Variants in FAM178B observed in about 807,000 individuals in gnomAD.
FAM178B encodes family with sequence similarity 178 member B, also known as protein FAM178B.
Under a neutral mutation model 91.7 loss-of-function variants are expected in FAM178B, and 82 were observed. The observed-to-expected ratio is 0.89, with a 90% CI of 0.75 to 1.07. The LOEUF (loss-of-function observed/expected upper bound fraction) is 1.07. Ranked by LOEUF, FAM178B falls within the 50% of genes least tolerant of loss-of-function variation. The probability of loss-of-function intolerance (pLI) is 0.00; values close to 1 mark genes in which losing one functional copy is unlikely to be tolerated. For missense variants in FAM178B, 769 were observed against 846.7 expected, an observed-to-expected ratio of 0.91 and a Z score of 1.14; for synonymous variants, 368 against 359.4, an observed-to-expected ratio of 1.02 and a Z score of -0.27.
At position 96,928,639 on chromosome 2, in the gene FAM178B, G is replaced by A. The variant is rs1574263401; in HGVS notation, c.1193+567C>T. ...GCAAGGATACTAACCAGGCTGTGAA[G>A]TCTGGGTTTCACCAGAGAGTGGGGG... is the stretch of plus-strand genomic sequence containing the variant. On this transcript the variant is annotated intron_variant, in intron 9 of 16. Transcript: ENST00000490605. Among the ~76,000 whole-genome samples the A allele has an allele frequency of 2.6e-5, 4 of 152,332 alleles. No individual in the cohort carries two copies. In the South Asian group the frequency reaches 8.3e-4, roughly 32 times the overall value.
At chr2:96,986,117 T>A in intron 1 of FAM178B, 124 bp downstream of exon 1, 1 of 1,470,630 alleles carries the variant, frequency 6.8e-7, no homozygotes, top group African/African-American at 1.4e-5. Context: ...AGCGCCAGAG[T>A]AGCCCGGCGG....
chr2:96,950,488 T>G (rs2081906739), intron 7 of FAM178B, among the ~76,000 whole-genome samples: 1 of 152,114 alleles, frequency 6.6e-6, no homozygotes, highest in Non-Finnish European at 1.5e-5. Flanking sequence ...GGCCAAGCAG[T>G]TCCTGGAATA....
At chr2:96,977,359 TG>T (rs2082303842) in intron 1 of FAM178B, among the ~76,000 whole-genome samples, 1 of 121,146 alleles carries the variant, frequency 8.3e-6, no homozygotes, top group Non-Finnish European at 1.6e-5. Flanking sequence ...CACTCTGGCC[TG>T]GGCGACAGAG....
intron 8 of FAM178B, among the ~76,000 whole-genome samples, chr2:96,937,236 T>C (rs2153372309): frequency 8.1e-6 from 1 of 122,922 alleles, no homozygotes; most frequent in South Asian, 2.2e-4. Flanking sequence ...TGTCAAAAAT[T>C]ACTGCCACCT....
At chr2:96,927,658 T>A (rs1228932483) in intron 9 of FAM178B, among the ~76,000 whole-genome samples, 3 of 152,186 alleles carry the variant, frequency 2.0e-5, no homozygotes, top group African/African-American at 7.2e-5. Flanking sequence ...CCACTCTGCC[T>A]CTGGAGACAA....
chr2:96,903,603 C>T (rs184846726), intron 12 of FAM178B, among the ~76,000 whole-genome samples: 3 of 152,308 alleles, frequency 2.0e-5, no homozygotes, highest in East Asian at 3.9e-4. Flanking sequence ...CCAGCAGGGC[C>T]GCCACTACAG....
chr2:96,959,336 G>A lies in FAM178B; in HGVS notation c.887+952C>T, dbSNP rs140584569. On this transcript the variant is annotated intron_variant, in intron 6 of 16. Coordinates refer to ENST00000490605, the MANE Select transcript of FAM178B (RefSeq NM_001122646.3). ...ATGGGTGTGTGGAGGGACGTTATAT[G>A]GTTCTCTATACTTTGATATGTGTTT... Among the ~76,000 whole-genome samples the A allele has an allele frequency of 4.8e-3, 726 of 152,124 alleles. 4 individuals carry two copies. Among genetic ancestry groups the A allele is most frequent in the Non-Finnish European group, 6.7e-3 (458 of 67,996 alleles).
At chr2:96,915,560 A>G (rs1233072384) in intron 12 of FAM178B, among the ~76,000 whole-genome samples, 3 of 151,854 alleles carry the variant, frequency 2.0e-5, no homozygotes, top group Admixed American at 1.3e-4. Context: ...GCTCACGCCT[A>G]TAATCCCAGC....
chr2:96,966,580 C>T (rs1434065048), intron 5 of FAM178B, among the ~76,000 whole-genome samples: 1 of 152,152 alleles, frequency 6.6e-6, no homozygotes, highest in Admixed American at 6.6e-5. Flanking sequence ...AGTTGGCACT[C>T]GATAAATGTC....
At chr2:96,879,261 C>T (rs570812754) in intron 14 of FAM178B, among the ~76,000 whole-genome samples, 192 of 152,324 alleles carry the variant, frequency 1.3e-3, no homozygotes, top group African/African-American at 4.4e-3. Flanking sequence ...CTTGTCCTCT[C>T]GGCTCTCTCT....
At chr2:96,930,938 C>T (rs1044956257) in intron 8 of FAM178B, among the ~76,000 whole-genome samples, 3 of 152,158 alleles carry the variant, frequency 2.0e-5, no homozygotes, top group Non-Finnish European at 2.9e-5. Context: ...GAGCAGCTCT[C>T]ACCAGACACC....
chr2:96,912,148 G>A (rs2081169484), intron 12 of FAM178B, among the ~76,000 whole-genome samples: 1 of 152,154 alleles, frequency 6.6e-6, no homozygotes, highest in Non-Finnish European at 1.5e-5. Flanking sequence ...CGCAGCCAGT[G>A]AAGGCCTCAG....
At chr2:96,918,317 A>G (rs1250416822) in intron 12 of FAM178B, among the ~76,000 whole-genome samples, 1 of 152,232 alleles carries the variant, frequency 6.6e-6, no homozygotes, top group Non-Finnish European at 1.5e-5. Context: ...TGATAAGAAG[A>G]TAAATTAACT....
chr2:96,953,016 C>T (rs1382796497), intron 6 of FAM178B, among the ~76,000 whole-genome samples: 3 of 152,136 alleles, frequency 2.0e-5, no homozygotes, highest in Non-Finnish European at 4.4e-5. Flanking sequence ...AAAGATTATC[C>T]TCTGAGCCAA....
intron 8 of FAM178B, among the ~76,000 whole-genome samples, chr2:96,937,992 C>A (rs1471145335): frequency 6.6e-6 from 1 of 152,172 alleles, no homozygotes. Flanking sequence ...CCTGATGCCA[C>A]CACTGCACTC....
chr2:96,929,029 G>A (rs373857264), intron 9 of FAM178B, among the ~76,000 whole-genome samples, 177 bp downstream of exon 9: 196 of 152,150 alleles, frequency 1.3e-3, no homozygotes, highest in African/African-American at 3.9e-3. Flanking sequence ...GTGGTGGTGC[G>A]TACCTGTAGT....
At chr2:96,982,464 T>C (rs1433235073) in intron 1 of FAM178B, among the ~76,000 whole-genome samples, 4 of 152,074 alleles carry the variant, frequency 2.6e-5, no homozygotes, top group Non-Finnish European at 5.9e-5. Context: ...AGTTTCACCA[T>C]ATTACCCAGG....
At chr2:96,962,538 C>T (rs2082096079) in intron 5 of FAM178B, among the ~76,000 whole-genome samples, 1 of 151,978 alleles carries the variant, frequency 6.6e-6, no homozygotes, top group South Asian at 2.1e-4. Context: ...TTTAAAGGGA[C>T]TTCTGTGATG....
chr2:96,953,522 C>A (rs751782643), intron 6 of FAM178B, among the ~76,000 whole-genome samples: 1 of 152,200 alleles, frequency 6.6e-6, no homozygotes, highest in Non-Finnish European at 1.5e-5. Context: ...GGGAGAGACC[C>A]CACAGTTGCA....
Sources: allele counts gnomAD v4.1 joint callset (sites outside exome capture counted in the v4.1 genomes callset), GRCh38; gene constraint gnomAD v4.1.1; transcripts MANE v1.5; gene names NCBI Gene and HGNC (gene_info 2026-07-23, HGNC 2026-07-21).